Variants in HS6ST1 observed in about 807,000 individuals in gnomAD.
The protein encoded by HS6ST1 is heparan-sulfate 6-O-sulfotransferase 1.
Under a neutral mutation model 25.2 loss-of-function variants are expected in HS6ST1, and 3 were observed. The observed-to-expected ratio is 0.12, with a 90% CI of 0.05 to 0.31. HS6ST1 has a LOEUF of 0.31. Among genes scored for constraint, HS6ST1 ranks in the 10% least tolerant of loss-of-function variants. HS6ST1 has a pLI of 1.00. For missense variants in HS6ST1, 310 were observed against 609.6 expected (o/e 0.51, Z 5.18); for synonymous variants, 204 against 275.1 (o/e 0.74, Z 2.56).
chr2:128,290,536 G>A (rs1693935442), intron 1 of HS6ST1, among the ~76,000 whole-genome samples: 1 of 152,054 alleles, frequency 6.6e-6, no homozygotes, highest in African/African-American at 2.4e-5. Flanking sequence ...AGTAACCCCA[G>A]GTATGCAAGG....
At chr2:128,314,666 C>T (rs920783920) in intron 1 of HS6ST1, among the ~76,000 whole-genome samples, 5 of 152,164 alleles carry the variant, frequency 3.3e-5, no homozygotes, top group African/African-American at 4.8e-5. Context: ...CGGGCTCCTG[C>T]GCCATCCCTC....
intron 1 of HS6ST1, among the ~76,000 whole-genome samples, chr2:128,299,929 T>C (rs1573704516): frequency 6.6e-6 from 1 of 152,090 alleles, no homozygotes; most frequent in Admixed American, 6.5e-5. Flanking sequence ...CAAGGCAGGG[T>C]GGCTCTGGTG....
intron 1 of HS6ST1, among the ~76,000 whole-genome samples, chr2:128,317,125 G>A (rs10928813): frequency 0.28 from 42,309 of 152,192 alleles, 7,067 homozygotes; most frequent in East Asian, 0.77. Context: ...GGAACAGGAG[G>A]AAAATAACCC....
chr2:128,303,985 G>A (rs1694170553), intron 1 of HS6ST1, among the ~76,000 whole-genome samples: 1 of 152,192 alleles, frequency 6.6e-6, no homozygotes, highest in South Asian at 2.1e-4. Flanking sequence ...TCTCTCTTCT[G>A]GAGCTGGGAC....
chr2:128,294,049 G>A (rs960111811), intron 1 of HS6ST1, among the ~76,000 whole-genome samples: 1 of 152,186 alleles, frequency 6.6e-6, no homozygotes, highest in Admixed American at 6.5e-5. Flanking sequence ...CTCCTTGAGG[G>A]CAGGGCCCTG....
At chr2:128,276,984 T>C (rs527694724) in intron 1 of HS6ST1, among the ~76,000 whole-genome samples, 20 of 152,294 alleles carry the variant, frequency 1.3e-4, no homozygotes, top group African/African-American at 4.6e-4. Flanking sequence ...TCCAGGGCAG[T>C]GGGGGTTGCC....
At chr2:128,294,715 TGG>T (rs1491135276) in intron 1 of HS6ST1, among the ~76,000 whole-genome samples, 1 of 128,470 alleles carries the variant, frequency 7.8e-6, no homozygotes, top group Non-Finnish European at 1.7e-5. Context: ...TGTGTGTGTG[TGG>T]AGGGGGAGAC....
chr2:128,313,062 C>T (rs1180667830), intron 1 of HS6ST1, among the ~76,000 whole-genome samples: 5 of 151,130 alleles, frequency 3.3e-5, no homozygotes, highest in Admixed American at 2.0e-4. Context: ...GAGACTCCAT[C>T]TCAAAAAAAA....
At chr2:128,282,176 C>T (rs560535899) in intron 1 of HS6ST1, among the ~76,000 whole-genome samples, 3 of 152,250 alleles carry the variant, frequency 2.0e-5, no homozygotes, top group African/African-American at 4.8e-5. Flanking sequence ...GAACAAAAAT[C>T]ACAGCCCGTT....
At chr2:128,285,941 C>T (rs560889646) in intron 1 of HS6ST1, among the ~76,000 whole-genome samples, 1 of 152,220 alleles carries the variant, frequency 6.6e-6, no homozygotes, top group South Asian at 2.1e-4. Flanking sequence ...ACACAGGTCC[C>T]AGTGTCAGAT....
chr2:128,273,051 C>T (rs1485479061), intron 1 of HS6ST1, among the ~76,000 whole-genome samples: 1 of 152,230 alleles, frequency 6.6e-6, no homozygotes, highest in Non-Finnish European at 1.5e-5. Flanking sequence ...TCCCACATAA[C>T]CCTTCTGGAC....
intron 1 of HS6ST1, among the ~76,000 whole-genome samples, chr2:128,315,064 T>G (rs1291139665): frequency 2.0e-5 from 3 of 152,198 alleles, no homozygotes; most frequent in African/African-American, 7.2e-5. Flanking sequence ...TGCCTGGGGA[T>G]GGCCACACCT....
intron 1 of HS6ST1, among the ~76,000 whole-genome samples, chr2:128,282,852 C>T (rs186932640): frequency 9.3e-4 from 141 of 152,318 alleles, no homozygotes; most frequent in African/African-American, 3.3e-3. Context: ...CAGCCCAGCC[C>T]GGCATGTTGG....
intron 1 of HS6ST1, among the ~76,000 whole-genome samples, chr2:128,314,069 G>A (rs1558882734): frequency 6.6e-6 from 1 of 152,088 alleles, no homozygotes; most frequent in African/African-American, 2.4e-5. Context: ...CCCCCAGCCT[G>A]GTCCCCAGGT....
intron 1 of HS6ST1, among the ~76,000 whole-genome samples, chr2:128,309,179 G>C (rs1035144021): frequency 6.6e-6 from 1 of 152,232 alleles, no homozygotes; most frequent in Non-Finnish European, 1.5e-5. Flanking sequence ...AGCCTCACCT[G>C]CCCTCCTTGT....
chr2:128,268,887 AGAG>A lies in HS6ST1; in HGVS notation c.528-20_528-18del, dbSNP rs966195100. ...TAGAACTTCCTGCAAGGAGACGGGG[AGAG>A]GAGGTGAGGGCTGTGACGCAGCATG... On this transcript the variant is annotated intron_variant, in intron 1 of 1. Transcript: ENST00000259241. 6.3e-7 allele frequency: 1 copy of A among 1,593,898 alleles called. No individual in the cohort carries two copies. Among genetic ancestry groups the A allele is most frequent in the Non-Finnish European group, 8.5e-7 (1 of 1,171,828 alleles).
chr2:128,300,354 C>T (rs921546539), intron 1 of HS6ST1, among the ~76,000 whole-genome samples: 4 of 152,148 alleles, frequency 2.6e-5, no homozygotes, highest in Admixed American at 2.6e-4. Flanking sequence ...GGGGACCACC[C>T]ACCCTCTCCC....
At chr2:128,292,279 A>T (rs1353501910) in intron 1 of HS6ST1, among the ~76,000 whole-genome samples, 1 of 152,164 alleles carries the variant, frequency 6.6e-6, no homozygotes, top group African/African-American at 2.4e-5. Context: ...GTATCCTTCC[A>T]TAGGGCCCAC....
chr2:128,268,911 GC>G, intron 1 of HS6ST1, 41 bp from the exon 2 acceptor site: 1 of 1,535,704 alleles, frequency 6.5e-7, no homozygotes, highest in Non-Finnish European at 8.9e-7. Context: ...CTGTGACGCA[GC>G]ATGAGGGGGG....
Sources: gnomAD v4.1 joint callset for allele counts (sites outside exome capture counted in the v4.1 genomes callset) on GRCh38, gnomAD v4.1.1 for gene constraint, MANE v1.5 for transcripts, NCBI Gene and HGNC (gene_info 2026-07-23, HGNC 2026-07-21) for gene names.